The following UMPS variants were observed in gnomAD, a reference collection of about 807,000 sequenced individuals.
The protein encoded by UMPS is uridine 5'-monophosphate synthase.
A neutral mutation model predicts 38.9 loss-of-function variants in UMPS; 21 were observed. The ratio of observed to expected loss-of-function variants is 0.54; its 90% confidence interval spans 0.38 to 0.78. The LOEUF (loss-of-function observed/expected upper bound fraction) is 0.78. Ranked by LOEUF, UMPS falls within the 30% of genes least tolerant of loss-of-function variation. UMPS has a pLI of 0.00. For synonymous variants in UMPS, 208 were observed against 219.3 expected (o/e 0.95, Z 0.45); for missense variants, 533 against 591.6 (o/e 0.90, Z 1.03).
rs533024763 is a variant in UMPS at position 124,749,047 on chromosome 3, C to T, written c.*4963C>T. ...TCCTGCCTCCAATGTCCCAACACTG[C>T]ATTGTCTCCCTGCACTTAGCAGCCC... On this transcript the variant is annotated 3_prime_UTR_variant, in exon 6 of 6. Transcript: ENST00000232607. 3 of 454,082 alleles carry T rather than the reference C, an allele frequency of 6.6e-6. No individual in the cohort carries two copies. Among genetic ancestry groups the T allele is most frequent in the African/African-American group, 2.0e-5 (1 of 50,092 alleles). 28.1% of individuals were successfully genotyped at this position (454,082 alleles called of 1,614,324 possible). A position where few individuals can be genotyped will look rare whatever the true frequency, so the allele number is the denominator to read the frequency against.
Position 124,747,171 on chromosome 3 carries a change from T to C in UMPS, c.*3087T>C, listed in dbSNP as rs1049983317. 1.1e-5 allele frequency: 5 copies of C among 453,794 alleles called. No individual in the cohort carries two copies. The highest frequency in any genetic ancestry group is 1.0e-4 in the African/African-American group (5 of 49,986). The allele number at this position is 453,794 out of a possible 1,614,324, so 28.1% of individuals were successfully genotyped here. On this transcript the variant is annotated 3_prime_UTR_variant, in exon 6 of 6. Transcript: ENST00000232607. ...TCTCGAGTGGCTGGAACTACAGGCG[T>C]GCACCACCACAGCTGGTTAATTTTT... is the stretch of plus-strand genomic sequence containing the variant.
At position 124,747,081 on chromosome 3, in the gene UMPS, C is replaced by T. The variant is rs1347613970; in HGVS notation, c.*2997C>T. ...GGAGTATATCATGGCTCACTGCAAC[C>T]TTGACTTGGGCTCAAGCGATCCGCT... On this transcript the variant is annotated 3_prime_UTR_variant, in exon 6 of 6. Transcript: ENST00000232607. 1 of 453,664 alleles carries T rather than the reference C, an allele frequency of 2.2e-6. No individual in the cohort carries two copies. The highest frequency in any genetic ancestry group is 4.4e-6 in the Non-Finnish European group (1 of 226,506). 28.1% of individuals were successfully genotyped at this position (453,664 alleles called of 1,614,324 possible). A position where few individuals can be genotyped will look rare whatever the true frequency, so the allele number is the denominator to read the frequency against.
chr3:124,740,128 C>G lies in UMPS; in HGVS notation c.1087C>G (p.Arg363Gly). Residue 363 changes from arginine (R) to glycine (G), a missense_variant, in exon 4 of 6, where the codon CGG becomes GGG. Arg to Gly is a moderately radical substitution (Grantham distance 125). Coordinates refer to ENST00000232607, the MANE Select transcript of UMPS (RefSeq NM_000373.4). ...GCAAGAAGTGGGCCTGCCTTTGCAT[C>G]GGGGGTGCCTCCTTATTGCGGAAAT... is the stretch of plus-strand genomic sequence containing the variant. ...GLQEVGLPLH[R>G]GCLLIAEMSS... 1 of 1,613,988 alleles carries G rather than the reference C, an allele frequency of 6.2e-7. No homozygotes were observed. The highest frequency in any genetic ancestry group is 8.5e-7 in the Non-Finnish European group (1 of 1,180,024).
chr3:124,733,753 A>T (rs1246795384), intron 1 of UMPS: 1 of 153,098 alleles, frequency 6.5e-6, no homozygotes, highest in Non-Finnish European at 1.5e-5. Flanking sequence ...TTTCTTTGTC[A>T]TCTTGGAAGT....
chr3:124,744,140 T>G lies in UMPS; in HGVS notation c.*56T>G. ...TGAAGACATTGAAGATATGTGGTCC[T>G]CCTGAAAGTCACTGGCTGGAAATAA... On this transcript the variant is annotated 3_prime_UTR_variant, in exon 6 of 6. Coordinates refer to ENST00000232607, the MANE Select transcript of UMPS (RefSeq NM_000373.4). The G allele has an allele frequency of 8.1e-7, 1 of 1,236,490 alleles. No homozygotes were observed. The highest frequency in any genetic ancestry group is 1.1e-6 in the Non-Finnish European group (1 of 885,362). The allele number at this position is 1,236,490 out of a possible 1,614,324, so 76.6% of individuals were successfully genotyped here.
intron 5 of UMPS, 144 bp from the exon 6 acceptor site, chr3:124,743,771 T>G: frequency 1.1e-6 from 1 of 950,862 alleles, no homozygotes; most frequent in South Asian, 1.7e-5. Flanking sequence ...AGCTCCTGTT[T>G]TTACGCAGTT....
intron 1 of UMPS, chr3:124,733,872 A>AT (rs2063498159): frequency 6.6e-6 from 1 of 152,264 alleles, no homozygotes; most frequent in Non-Finnish European, 1.5e-5. Flanking sequence ...CATATAGACA[A>AT]GTATGACAGA....
chr3:124,740,240 C>T, intron 4 of UMPS, 41 bp downstream of exon 4: 1 of 1,558,222 alleles, frequency 6.4e-7, no homozygotes, highest in South Asian at 1.2e-5. Flanking sequence ...GCAGGGGCTG[C>T]TATGCTGCAT....
At position 124,748,126 on chromosome 3, in the gene UMPS, T is replaced by C; in HGVS notation, c.*4042T>C. The C allele has an allele frequency of 2.5e-6, 1 of 399,956 alleles. No homozygotes were observed. Among genetic ancestry groups the C allele is most frequent in the Non-Finnish European group, 4.8e-6 (1 of 209,486 alleles). The allele number at this position is 399,956 out of a possible 1,614,324, so 24.8% of individuals were successfully genotyped here. On this transcript the variant is annotated 3_prime_UTR_variant, in exon 6 of 6. Transcript: ENST00000232607. ...AATATATAATAGTATATATAAATAA[T>C]ACTATATTGCCCAGGCTGGTCTCGA...
chr3:124,743,872 A>G (rs2063576075), intron 5 of UMPS, 43 bp from the exon 6 acceptor site: 1 of 1,612,060 alleles, frequency 6.2e-7, no homozygotes, highest in African/African-American at 1.3e-5. Context: ...AGGTTTTCTG[A>G]TTTTTGTATT....
In UMPS at chr3:124,730,492, T is replaced by C. The variant is rs17843775; in HGVS notation, c.21T>C (p.Ala7=). 1,085 of 1,614,154 alleles carry C rather than the reference T, an allele frequency of 6.7e-4. 10 individuals carry two copies. In the African/African-American group the frequency reaches 0.012, roughly 18 times the overall value. Residue 7 remains alanine, a synonymous_variant, in exon 1 of 6, where the codon GCT becomes GCC. Transcript: ENST00000232607. MAVARA[A]LGPLVTGLYD... is the part of the protein sequence containing the mutation. ...CGACAATGGCGGTCGCTCGTGCAGC[T>C]TTGGGGCCATTGGTGACGGGTCTGT...
In UMPS at chr3:124,746,436, T is replaced by C; in HGVS notation, c.*2352T>C. The C allele has an allele frequency of 2.2e-6, 1 of 454,154 alleles. No homozygotes were observed. Among genetic ancestry groups the C allele is most frequent in the Non-Finnish European group, 4.4e-6 (1 of 226,802 alleles). The allele number at this position is 454,154 out of a possible 1,614,324, so 28.1% of individuals were successfully genotyped here. ...AGTCAGCCCAGTACTGCAGGCCTCT[T>C]ACCTAAGCAGAATCCCAGTCTGGCA... On this transcript the variant is annotated 3_prime_UTR_variant, in exon 6 of 6. Coordinates refer to ENST00000232607, the MANE Select transcript of UMPS (RefSeq NM_000373.4).
chr3:124,745,355 A>G lies in UMPS; in HGVS notation c.*1271A>G. ...GGCCCACTGTTCTTTAATGACTCAGAGGAATGCCTAGGATTTTTTTTTTTT... is the reference window on the plus strand; with the variant it reads ...GGCCCACTGTTCTTTAATGACTCAGGGGAATGCCTAGGATTTTTTTTTTTT... On this transcript the variant is annotated 3_prime_UTR_variant, in exon 6 of 6. Coordinates refer to ENST00000232607, the MANE Select transcript of UMPS (RefSeq NM_000373.4). The G allele has an allele frequency of 2.3e-6, 1 of 435,344 alleles. No individual in the cohort carries two copies. 27.0% of individuals were successfully genotyped at this position (435,344 alleles called of 1,614,324 possible). A position where few individuals can be genotyped will look rare whatever the true frequency, so the allele number is the denominator to read the frequency against.
Position 124,744,922 on chromosome 3 carries a change from G to A in UMPS, c.*838G>A, listed in dbSNP as rs1402828654. The stretch of plus-strand genomic sequence containing the variant: ...TCACTCTCCAAAGAGGGGAAGGTGG[G>A]GAAGGGGAAGGTGACTATAGCTCAG... On this transcript the variant is annotated 3_prime_UTR_variant, in exon 6 of 6. Coordinates refer to ENST00000232607, the MANE Select transcript of UMPS (RefSeq NM_000373.4). 1 of 453,962 alleles carries A rather than the reference G, an allele frequency of 2.2e-6. No individual in the cohort carries two copies. Among genetic ancestry groups the A allele is most frequent in the African/African-American group, 2.0e-5 (1 of 49,986 alleles). The allele number at this position is 453,962 out of a possible 1,614,324, so 28.1% of individuals were successfully genotyped here. A position where few individuals can be genotyped will look rare whatever the true frequency, so the allele number is the denominator to read the frequency against.
rs762396330 is a variant in UMPS at position 124,744,812 on chromosome 3, T to A, written c.*728T>A. 2.2e-6 allele frequency: 1 copy of A among 454,036 alleles called. No individual in the cohort carries two copies. Among genetic ancestry groups the A allele is most frequent in the Admixed American group, 2.3e-5 (1 of 42,562 alleles). The allele number at this position is 454,036 out of a possible 1,614,324, so 28.1% of individuals were successfully genotyped here. A position where few individuals can be genotyped will look rare whatever the true frequency, so the allele number is the denominator to read the frequency against. On this transcript the variant is annotated 3_prime_UTR_variant, in exon 6 of 6. Coordinates refer to ENST00000232607, the MANE Select transcript of UMPS (RefSeq NM_000373.4). ...TCTAATGTGTTGCCCAAATAATACCTAATTGTTAGCCATTCCCCTCCATCT... is the reference window on the plus strand; with the variant it reads ...TCTAATGTGTTGCCCAAATAATACCAAATTGTTAGCCATTCCCCTCCATCT...
rs2063626103 is a variant in UMPS, at chr3:124,749,062, C to G, written c.*4978C>G. ...CCCAACACTGCATTGTCTCCCTGCA[C>G]TTAGCAGCCCTGCAGGGTGAGACTT... is the stretch of plus-strand genomic sequence containing the variant. On this transcript the variant is annotated 3_prime_UTR_variant, in exon 6 of 6. Transcript: ENST00000232607. 1 of 453,968 alleles carries G rather than the reference C, an allele frequency of 2.2e-6. No individual in the cohort carries two copies. The highest frequency in any genetic ancestry group is 4.4e-6 in the Non-Finnish European group (1 of 226,794). 28.1% of individuals were successfully genotyped at this position (453,968 alleles called of 1,614,324 possible). A position where few individuals can be genotyped will look rare whatever the true frequency, so the allele number is the denominator to read the frequency against.
chr3:124,737,816 A>G lies in UMPS; in HGVS notation c.559A>G (p.Lys187Glu), dbSNP rs767484949. ...AATGCTGGAGATTCTCGAGCAGCAG[A>G]AAAAAGTTGATGCTGAGACAGTTGG... Reference protein sequence around the residue: ...SKMLEILEQQKKVDAETVGRV... With the variant: ...SKMLEILEQQEKVDAETVGRV... The change falls in exon 3 of 6, where the codon AAA becomes GAA. Residue 187 changes from lysine to glutamate, a missense_variant. Transcript: ENST00000232607. The G allele has an allele frequency of 2.5e-6, 4 of 1,614,094 alleles. No homozygotes were observed. Among genetic ancestry groups the G allele is most frequent in the East Asian group, 2.2e-5 (1 of 44,898 alleles).
At chr3:124,740,715 T>G (rs949650882) in intron 4 of UMPS, among the ~76,000 whole-genome samples, 1 of 152,166 alleles carries the variant, frequency 6.6e-6, no homozygotes, top group Admixed American at 6.5e-5. Flanking sequence ...CCTAGCACTT[T>G]GGGAGGCCAA....
Position 124,737,299 on chromosome 3 carries a change from A to G in UMPS, c.311-269A>G, listed in dbSNP as rs1176305999. On this transcript the variant is annotated intron_variant, in intron 2 of 5. Transcript: ENST00000232607. Reference sequence around the variant, plus strand: ...CCTCTCTATTTGAAAATTTGATCATAAAACACATTAAGCAGTGTTTATAAT... The same window carrying G: ...CCTCTCTATTTGAAAATTTGATCATGAAACACATTAAGCAGTGTTTATAAT... 7 of 376,272 alleles carry G rather than the reference A, an allele frequency of 1.9e-5. No individual in the cohort carries two copies. In the East Asian group the frequency reaches 3.9e-4, roughly 21 times the overall value. 23.3% of individuals were successfully genotyped at this position (376,272 alleles called of 1,614,324 possible).
Sources: gnomAD v4.1 joint callset for allele counts (sites outside exome capture counted in the v4.1 genomes callset) on GRCh38, gnomAD v4.1.1 for gene constraint, MANE v1.5 for transcripts, NCBI Gene and HGNC (gene_info 2026-07-23, HGNC 2026-07-21) for gene names.